ADCY2: variants seen among roughly 807,000 people sequenced by gnomAD.
ADCY2 encodes adenylate cyclase type 2.
In ADCY2, 31 loss-of-function variants were observed where a neutral mutation model predicts 125.2. The observed-to-expected ratio is 0.25, with a 90% confidence interval of 0.19 to 0.33. The LOEUF (loss-of-function observed/expected upper bound fraction) is 0.33. Among genes scored for constraint, ADCY2 ranks in the 10% least tolerant of loss-of-function variants. The pLI is 1.00. For missense variants in ADCY2, 904 were observed against 1,418.2 expected (o/e 0.64, Z 5.82); for synonymous variants, 512 against 548.4 (o/e 0.93, Z 0.93).
intron 2 of ADCY2, among the ~76,000 whole-genome samples, chr5:7,450,055 T>C (rs2453285): frequency 0.48 from 72,645 of 151,898 alleles, 19,293 homozygotes; most frequent in African/African-American, 0.7. Context: ...CCCAGAGACA[T>C]GACAATATTT....
rs145326708 is a variant in ADCY2, at chr5:7,717,346, A to G, written c.1703+109A>G. On this transcript the variant is annotated intron_variant, in intron 12 of 24. Coordinates refer to ENST00000338316, the MANE Select transcript of ADCY2 (RefSeq NM_020546.3). ...ATGACAAAGCCAAGTTTCTGAGACC[A>G]TTCATTCATTTCACTTCAGTTGTCC... The G allele has an allele frequency of 4.9e-6, 3 of 617,576 alleles. No homozygotes were observed. In the African/African-American group the frequency reaches 5.6e-5, roughly 12 times the overall value. 38.3% of individuals were successfully genotyped at this position (617,576 alleles called of 1,614,324 possible). A position where few individuals can be genotyped will look rare whatever the true frequency, so the allele number is the denominator to read the frequency against.
intron 4 of ADCY2, among the ~76,000 whole-genome samples, chr5:7,673,269 A>AAAAAAAATATATAT (rs1554030659): frequency 2.5e-4 from 1 of 3,932 alleles, no homozygotes; most frequent in African/African-American, 6.4e-4. Context: ...AAAAAAAAAA[A>AAAAAAAATATATAT]ATATATATAT....
At chr5:7,451,941 T>C (rs1285341648) in intron 2 of ADCY2, among the ~76,000 whole-genome samples, 1 of 152,166 alleles carries the variant, frequency 6.6e-6, no homozygotes, top group Non-Finnish European at 1.5e-5. Context: ...AGATAGAGTC[T>C]TGCTCTATTG....
chr5:7,403,937 T>TAC (rs370540720), intron 1 of ADCY2, among the ~76,000 whole-genome samples: 11,944 of 140,438 alleles, frequency 0.085, 481 homozygotes, highest in Middle Eastern at 0.11. Context: ...CTTTCAATGC[T>TAC]ACACACACAC....
intron 2 of ADCY2, among the ~76,000 whole-genome samples, chr5:7,505,473 A>G (rs567471034): frequency 6.6e-6 from 1 of 152,342 alleles, no homozygotes; most frequent in African/African-American, 2.4e-5. Flanking sequence ...GTTTGCACGA[A>G]CATACAGGGG....
At chr5:7,488,572 C>T (rs1473708057) in intron 2 of ADCY2, among the ~76,000 whole-genome samples, 1 of 152,128 alleles carries the variant, frequency 6.6e-6, no homozygotes, top group African/African-American at 2.4e-5. Flanking sequence ...AAATTTTTAA[C>T]CCTCCTGTAT....
At chr5:7,564,196 G>T (rs1245689280) in intron 3 of ADCY2, among the ~76,000 whole-genome samples, 2 of 152,126 alleles carry the variant, frequency 1.3e-5, no homozygotes, top group Admixed American at 1.3e-4. Context: ...AACTAGGGTT[G>T]GTTATCTGTT....
intron 3 of ADCY2, among the ~76,000 whole-genome samples, chr5:7,557,201 A>ATATATATATATATATATATATATATATAT: frequency 7.9e-5 from 11 of 140,038 alleles, no homozygotes; most frequent in African/African-American, 1.6e-4. Context: ...TGATATATAT[A>ATATATATATATATATATATATATATATAT]ACTCAAGTGA....
chr5:7,611,235 C>A (rs987585084), intron 3 of ADCY2: 1 of 152,038 alleles, frequency 6.6e-6, no homozygotes, highest in Non-Finnish European at 1.5e-5. Context: ...CTTATTAAAT[C>A]ATAAGAAATA....
chr5:7,563,282 G>T (rs1454099000), intron 3 of ADCY2, among the ~76,000 whole-genome samples: 1 of 152,166 alleles, frequency 6.6e-6, no homozygotes, highest in Non-Finnish European at 1.5e-5. Context: ...CTAGGGTGCA[G>T]CAATATAGAA....
chr5:7,559,614 T>C (rs1735644467), intron 3 of ADCY2, among the ~76,000 whole-genome samples: 1 of 152,216 alleles, frequency 6.6e-6, no homozygotes, highest in African/African-American at 2.4e-5. Context: ...GATCATGTTG[T>C]CTGCAAACAG....
At chr5:7,505,507 AT>A (rs1424435447) in intron 2 of ADCY2, among the ~76,000 whole-genome samples, 1 of 152,222 alleles carries the variant, frequency 6.6e-6, no homozygotes, top group African/African-American at 2.4e-5. Context: ...TCAGGCGACC[AT>A]CCCCCTGATG....
intron 4 of ADCY2, among the ~76,000 whole-genome samples, chr5:7,681,073 A>G (rs1258577967): frequency 1.3e-5 from 2 of 152,214 alleles, no homozygotes; most frequent in East Asian, 3.9e-4. Context: ...ATTGAGTTAC[A>G]TTTAATAAAA....
At chr5:7,456,811 A>T (rs1741690068) in intron 2 of ADCY2, among the ~76,000 whole-genome samples, 1 of 152,216 alleles carries the variant, frequency 6.6e-6, no homozygotes, top group African/African-American at 2.4e-5. Flanking sequence ...TTTATATTAA[A>T]ATCTGATAGG....
chr5:7,652,841 G>A (rs1739144106), intron 4 of ADCY2, among the ~76,000 whole-genome samples: 1 of 152,142 alleles, frequency 6.6e-6, no homozygotes, highest in African/African-American at 2.4e-5. Flanking sequence ...TCTGTGGCGT[G>A]CCCTGACCAA....
intron 16 of ADCY2, among the ~76,000 whole-genome samples, chr5:7,758,351 C>T (rs1743084923): frequency 6.6e-6 from 1 of 152,126 alleles, no homozygotes; most frequent in African/African-American, 2.4e-5. Flanking sequence ...GAGACACGTC[C>T]TTATTGTTCT....
At chr5:7,577,588 C>G (rs192168175) in intron 3 of ADCY2, among the ~76,000 whole-genome samples, 1 of 152,048 alleles carries the variant, frequency 6.6e-6, no homozygotes, top group Non-Finnish European at 1.5e-5. Context: ...GTCATGAGTC[C>G]AAGAACAGCT....
At chr5:7,822,481 G>T (rs769394434) in intron 24 of ADCY2, among the ~76,000 whole-genome samples, 3 of 152,216 alleles carry the variant, frequency 2.0e-5, no homozygotes, top group Non-Finnish European at 4.4e-5. Context: ...TAGCAACACA[G>T]AATGTGTTTC....
At chr5:7,785,088 C>T (rs773748059) in intron 19 of ADCY2, among the ~76,000 whole-genome samples, 8 of 152,198 alleles carry the variant, frequency 5.3e-5, no homozygotes, top group Non-Finnish European at 1.0e-4. Flanking sequence ...ACCTCTGCCT[C>T]GTCCACAGTC....
Sources: allele counts gnomAD v4.1 joint callset (sites outside exome capture counted in the v4.1 genomes callset), GRCh38; gene constraint gnomAD v4.1.1; transcripts MANE v1.5; gene names NCBI Gene and HGNC (gene_info 2026-07-23, HGNC 2026-07-21).